Variants in JPH3 observed in about 807,000 individuals in gnomAD.
JPH3 encodes junctophilin 3.
A neutral mutation model predicts 59.6 loss-of-function variants in JPH3; 11 were observed. The observed-to-expected ratio is 0.18, with a 90% CI of 0.12 to 0.31. JPH3 has a LOEUF of 0.31. JPH3 is among the 10% of genes least tolerant of loss of function. The pLI, the probability that JPH3 is intolerant of heterozygous loss-of-function variation, is 1.00. For missense variants in JPH3, 1,202 were observed against 1,105.7 expected (o/e 1.09, Z -1.24); for synonymous variants, 673 against 483.6 (o/e 1.39, Z -5.14).
intron 2 of JPH3, among the ~76,000 whole-genome samples, chr16:87,649,793 C>G (rs755504302): frequency 2.2e-5 from 2 of 89,890 alleles, no homozygotes; most frequent in African/African-American, 4.0e-5. Flanking sequence ...AAGGAGACAT[C>G]TCAAGTGTGA....
intron 2 of JPH3, among the ~76,000 whole-genome samples, chr16:87,657,776 C>T (rs538021421): frequency 7.6e-4 from 116 of 152,244 alleles, no homozygotes; most frequent in African/African-American, 2.6e-3. Flanking sequence ...GGAGTTGCCC[C>T]GAGGACTGTG....
At chr16:87,683,435 G>A (rs2033342790) in intron 2 of JPH3, among the ~76,000 whole-genome samples, 1 of 151,986 alleles carries the variant, frequency 6.6e-6, no homozygotes, top group African/African-American at 2.4e-5. Flanking sequence ...CTCCTGAGTA[G>A]CTGGGATTAC....
intron 1 of JPH3, among the ~76,000 whole-genome samples, chr16:87,640,993 A>T (rs1315301862): frequency 1.3e-5 from 2 of 151,968 alleles, no homozygotes; most frequent in African/African-American, 4.8e-5. Flanking sequence ...CCTCCTCACA[A>T]CCCCAGCCTG....
chr16:87,614,839 C>T (rs1171771110), intron 1 of JPH3, among the ~76,000 whole-genome samples: 1 of 147,434 alleles, frequency 6.8e-6, no homozygotes, highest in African/African-American at 2.5e-5. Flanking sequence ...AGCTGTGCGT[C>T]CCTTCCCGGG....
intron 1 of JPH3, among the ~76,000 whole-genome samples, chr16:87,634,045 C>T (rs993773871): frequency 5.3e-5 from 8 of 152,266 alleles, no homozygotes; most frequent in Admixed American, 2.0e-4. Context: ...GCTTGTGAAA[C>T]GGCCGTGCAA....
intron 1 of JPH3, among the ~76,000 whole-genome samples, chr16:87,629,543 C>G (rs372467800): frequency 6.6e-6 from 1 of 152,042 alleles, no homozygotes; most frequent in Non-Finnish European, 1.5e-5. Flanking sequence ...GGTGACGACG[C>G]GGAGCAGCCT....
intron 1 of JPH3, among the ~76,000 whole-genome samples, chr16:87,609,639 T>G (rs751628257): frequency 3.0e-4 from 45 of 152,192 alleles, no homozygotes; most frequent in Non-Finnish European, 5.7e-4. Context: ...GATATGTGTG[T>G]TCACTTCTCT....
intron 1 of JPH3, among the ~76,000 whole-genome samples, chr16:87,638,204 C>G (rs900971546): frequency 2.0e-5 from 3 of 152,172 alleles, no homozygotes; most frequent in Non-Finnish European, 4.4e-5. Flanking sequence ...TAGGCATGAG[C>G]CACCACACCC....
At chr16:87,634,354 G>A (rs1447538593) in intron 1 of JPH3, among the ~76,000 whole-genome samples, 1 of 152,186 alleles carries the variant, frequency 6.6e-6, no homozygotes, top group Admixed American at 6.5e-5. Context: ...TCAAGTGGAA[G>A]ATGGGTGCTG....
At chr16:87,696,028 T>C (rs562631839) in intron 4 of JPH3, 3 of 456,050 alleles carry the variant, frequency 6.6e-6, no homozygotes, top group Non-Finnish European at 1.3e-5. Flanking sequence ...CCAGAGCCAG[T>C]TGGCGTGAGG....
chr16:87,696,727 C>T lies in JPH3; in HGVS notation c.*67C>T, dbSNP rs921017125. On this transcript the variant is annotated 3_prime_UTR_variant, in exon 5 of 5. Transcript: ENST00000284262. Reference sequence around the variant, plus strand: ...AGGGACATTAAAATTAAAAGCAAAACCACAAGAAGGGAAAGACCGCAACTC... The same window carrying T: ...AGGGACATTAAAATTAAAAGCAAAATCACAAGAAGGGAAAGACCGCAACTC... The T allele has an allele frequency of 7.4e-7, 1 of 1,358,376 alleles. No homozygotes were observed. Among genetic ancestry groups the T allele is most frequent in the Non-Finnish European group, 1.0e-6 (1 of 955,554 alleles). 84.1% of individuals were successfully genotyped at this position (1,358,376 alleles called of 1,614,324 possible). A position where few individuals can be genotyped will look rare whatever the true frequency, so the allele number is the denominator to read the frequency against.
At chr16:87,674,807 C>T (rs1282269888) in intron 2 of JPH3, among the ~76,000 whole-genome samples, 1 of 152,144 alleles carries the variant, frequency 6.6e-6, no homozygotes, top group African/African-American at 2.4e-5. Context: ...GTCGCCCAGG[C>T]TGGAATGCAG....
chr16:87,693,985 G>A (rs1388692567), intron 4 of JPH3: 2 of 152,272 alleles, frequency 1.3e-5, no homozygotes, highest in Non-Finnish European at 2.9e-5. Flanking sequence ...CGTGCCGAGT[G>A]GTGTTGGCAG....
Position 87,637,391 on chromosome 16 carries a change from GGAGA to G in JPH3, c.383-6849_383-6846del, listed in dbSNP as rs149512628. On this transcript the variant is annotated intron_variant, in intron 1 of 4. Transcript: ENST00000284262. ...TGGATTTACCTGTTCATGTTATGGG[GGAGA>G]GAGAGAGAGAGAGAGAGTGTGTGTG... Among the ~76,000 whole-genome samples the G allele has an allele frequency of 5.7e-3, 479 of 84,184 alleles. 3 individuals are homozygous for G. Among genetic ancestry groups the G allele is most frequent in the African/African-American group, 0.013 (317 of 23,508 alleles). 55.2% of individuals were successfully genotyped at this position (84,184 alleles called of 152,430 possible). A position where few individuals can be genotyped will look rare whatever the true frequency, so the allele number is the denominator to read the frequency against.
chr16:87,695,686 C>T (rs994875484), intron 4 of JPH3: 4 of 454,514 alleles, frequency 8.8e-6, no homozygotes, highest in Non-Finnish European at 1.8e-5. Context: ...AGCACCCACC[C>T]CTGCCGTCCT....
chr16:87,602,365 C>G (rs1400553994), upstream of JPH3, among the ~76,000 whole-genome samples: 2 of 132,938 alleles, frequency 1.5e-5, no homozygotes, highest in Admixed American at 7.2e-5. Flanking sequence ...CGCCCGCGCG[C>G]CGCGCCCTAG....
At position 87,626,213 on chromosome 16, in the gene JPH3, TG is replaced by T. The variant is rs1237672801; in HGVS notation, c.383-18041del. The stretch of plus-strand genomic sequence containing the variant: ...TAACTGGGTCTTCAAGGCAGCCCTG[TG>T]GGGTGGGAATCATTTTTATCCTGTG... On this transcript the variant is annotated intron_variant, in intron 1 of 4. Coordinates refer to ENST00000284262, the MANE Select transcript of JPH3 (RefSeq NM_020655.4). Among the ~76,000 whole-genome samples the T allele has an allele frequency of 2.0e-5, 3 of 152,128 alleles. 1 individual carries two copies. The highest frequency in any genetic ancestry group is 7.2e-5 in the African/African-American group (3 of 41,420).
Position 87,676,760 on chromosome 16 carries a change from G to T in JPH3, c.1161-7382G>T, listed in dbSNP as rs151291090. The stretch of plus-strand genomic sequence containing the variant: ...AAAAAAAAATTGTTATCTCAGCCAG[G>T]CACAGTGGCTCACACCTGTAATCTC... On this transcript the variant is annotated intron_variant, in intron 2 of 4. Coordinates refer to ENST00000284262, the MANE Select transcript of JPH3 (RefSeq NM_020655.4). Among the ~76,000 whole-genome samples, 338 of 149,668 alleles carry T rather than the reference G, an allele frequency of 2.3e-3. 11 individuals carry two copies. Among genetic ancestry groups the T allele is most frequent in the African/African-American group, 8.2e-3 (323 of 39,340 alleles).
intron 1 of JPH3, among the ~76,000 whole-genome samples, chr16:87,619,506 C>A (rs924837615): frequency 3.3e-5 from 5 of 152,166 alleles, no homozygotes; most frequent in South Asian, 2.1e-4. Context: ...CTCCAGAGTA[C>A]CAGGCACAGT....
Sources: allele counts gnomAD v4.1 joint callset (sites outside exome capture counted in the v4.1 genomes callset), GRCh38; gene constraint gnomAD v4.1.1; transcripts MANE v1.5; gene names NCBI Gene and HGNC (gene_info 2026-07-23, HGNC 2026-07-21).